Variants in LIN7A observed in about 807,000 individuals in gnomAD.
LIN7A encodes the protein protein lin-7 homolog A.
In LIN7A, 25 loss-of-function variants were observed where a neutral mutation model predicts 29.8. That is an observed-to-expected ratio of 0.84 (90% CI 0.61 to 1.17). The LOEUF is 1.17. LIN7A is among the 50% of genes most tolerant of loss of function. The probability of loss-of-function intolerance (pLI) is 0.00; values close to 1 mark genes in which losing one functional copy is unlikely to be tolerated. For missense variants in LIN7A, 239 were observed against 287.0 expected (o/e 0.83, Z 1.21); for synonymous variants, 118 against 107.5 (o/e 1.10, Z -0.60).
At chr12:80,935,703 T>C (rs551509653) in intron 1 of LIN7A, 32 of 446,226 alleles carry the variant, frequency 7.2e-5, no homozygotes, top group South Asian at 5.3e-4. Flanking sequence ...ATCTCTTGGT[T>C]ATAGATTTTC....
At chr12:80,801,160 C>T (rs1870703483) in intron 5 of LIN7A, among the ~76,000 whole-genome samples, 1 of 151,894 alleles carries the variant, frequency 6.6e-6, no homozygotes, top group South Asian at 2.1e-4. Context: ...GAGATTATAG[C>T]TGAAAAGTTA....
chr12:80,884,396 A>G (rs1257188008), intron 2 of LIN7A, among the ~76,000 whole-genome samples: 1 of 152,190 alleles, frequency 6.6e-6, no homozygotes, highest in Admixed American at 6.5e-5. Context: ...TGCTCAGACT[A>G]CATGTTCATA....
At chr12:80,900,014 G>T (rs1426484034) in intron 1 of LIN7A, among the ~76,000 whole-genome samples, 1 of 151,790 alleles carries the variant, frequency 6.6e-6, no homozygotes, top group Non-Finnish European at 1.5e-5. Context: ...TGATCTGCCC[G>T]CCTCGGCCTC....
chr12:80,889,214 ATGGC>A, intron 2 of LIN7A, 33 bp downstream of exon 2: 1 of 1,056,672 alleles, frequency 9.5e-7, no homozygotes, highest in South Asian at 1.3e-5. Context: ...AAGAAGACAT[ATGGC>A]TGAATTTAGT....
intron 2 of LIN7A, among the ~76,000 whole-genome samples, chr12:80,879,052 C>T (rs1214222024): frequency 6.6e-6 from 1 of 152,096 alleles, no homozygotes; most frequent in Non-Finnish European, 1.5e-5. Context: ...CTTTCTTACC[C>T]CATTCACACA....
At chr12:80,867,850 G>T (rs919701480) in intron 2 of LIN7A, among the ~76,000 whole-genome samples, 4 of 152,060 alleles carry the variant, frequency 2.6e-5, no homozygotes, top group African/African-American at 9.7e-5. Flanking sequence ...TTTGTGCCTC[G>T]CTAGTAGTAC....
intron 1 of LIN7A, among the ~76,000 whole-genome samples, chr12:80,904,611 T>G (rs1876381968): frequency 6.6e-6 from 1 of 152,176 alleles, no homozygotes; most frequent in Admixed American, 6.5e-5. Flanking sequence ...GTGACAGGAT[T>G]TTCTTATTTT....
At chr12:80,917,917 AAG>A (rs1877106695) in intron 1 of LIN7A, among the ~76,000 whole-genome samples, 1 of 152,194 alleles carries the variant, frequency 6.6e-6, no homozygotes, top group African/African-American at 2.4e-5. Context: ...ACACTTTTGG[AAG>A]GGACTGTTTC....
At chr12:80,814,643 G>T (rs1160475007) in intron 4 of LIN7A, among the ~76,000 whole-genome samples, 1 of 152,090 alleles carries the variant, frequency 6.6e-6, no homozygotes. Context: ...GTGAAGAGTT[G>T]AGAGAAAAAC....
chr12:80,834,135 C>T (rs531405623), intron 4 of LIN7A, among the ~76,000 whole-genome samples: 39 of 152,154 alleles, frequency 2.6e-4, no homozygotes, highest in Middle Eastern at 6.8e-3. Flanking sequence ...ACATTTTACT[C>T]GATTTTTAAG....
chr12:80,878,628 T>G (rs1021754180), intron 2 of LIN7A, among the ~76,000 whole-genome samples: 1 of 152,212 alleles, frequency 6.6e-6, no homozygotes, highest in African/African-American at 2.4e-5. Flanking sequence ...GTTGCTGCTG[T>G]TGGCGGACGT....
At chr12:80,867,584 T>C (rs1373377218) in intron 2 of LIN7A, among the ~76,000 whole-genome samples, 1 of 152,176 alleles carries the variant, frequency 6.6e-6, no homozygotes, top group African/African-American at 2.4e-5. Flanking sequence ...TCAATCTACT[T>C]GGATAAGTTT....
intron 2 of LIN7A, among the ~76,000 whole-genome samples, chr12:80,866,932 G>C (rs1592908715): frequency 6.6e-6 from 1 of 152,248 alleles, no homozygotes; most frequent in South Asian, 2.1e-4. Context: ...CAGTGGAAAA[G>C]AGGGCATTAC....
At chr12:80,915,170 A>C (rs1268368472) in intron 1 of LIN7A, among the ~76,000 whole-genome samples, 8 of 151,830 alleles carry the variant, frequency 5.3e-5, no homozygotes, top group African/African-American at 1.4e-4. Flanking sequence ...AAAAAAACAA[A>C]AAAACAAAAA....
chr12:80,907,698 T>C (rs1876557401), intron 1 of LIN7A, among the ~76,000 whole-genome samples: 1 of 152,096 alleles, frequency 6.6e-6, no homozygotes, highest in Non-Finnish European at 1.5e-5. Context: ...CAATGTGAGT[T>C]CTAGAGAGAA....
intron 5 of LIN7A, among the ~76,000 whole-genome samples, chr12:80,808,350 T>G (rs916014096): frequency 3.9e-5 from 6 of 152,196 alleles, no homozygotes; most frequent in Non-Finnish European, 8.8e-5. Flanking sequence ...ATTTACTTGT[T>G]TATTTGTTTA....
chr12:80,922,385 C>T lies in LIN7A; in HGVS notation c.82+15256G>A, dbSNP rs191056714. On this transcript the variant is annotated intron_variant, in intron 1 of 5. Coordinates refer to ENST00000552864, the MANE Select transcript of LIN7A (RefSeq NM_004664.4). Reference sequence around the variant, plus strand: ...ATTCCCAAATGCCTTTCTCTCCTTTCACTAGGAGGCAAAGACTATCAGGAA... The same window carrying T: ...ATTCCCAAATGCCTTTCTCTCCTTTTACTAGGAGGCAAAGACTATCAGGAA... Among the ~76,000 whole-genome samples the T allele has an allele frequency of 2.7e-3, 410 of 152,274 alleles. 2 individuals carry two copies. Among genetic ancestry groups the T allele is most frequent in the African/African-American group, 9.6e-3 (399 of 41,548 alleles).
At chr12:80,933,953 T>C (rs1276426929) in intron 1 of LIN7A, among the ~76,000 whole-genome samples, 2 of 152,160 alleles carry the variant, frequency 1.3e-5, no homozygotes, top group Non-Finnish European at 2.9e-5. Flanking sequence ...ATTTATTTTG[T>C]CCATTAGCAC....
chr12:80,886,430 T>G (rs1214198184), intron 2 of LIN7A, among the ~76,000 whole-genome samples: 1 of 152,174 alleles, frequency 6.6e-6, no homozygotes, highest in South Asian at 2.1e-4. Flanking sequence ...GAATTGTTGT[T>G]TATATATTGC....
Sources: gnomAD v4.1 joint callset for allele counts (sites outside exome capture counted in the v4.1 genomes callset) on GRCh38, gnomAD v4.1.1 for gene constraint, MANE v1.5 for transcripts, NCBI Gene and HGNC (gene_info 2026-07-23, HGNC 2026-07-21) for gene names.